Variants in SLC41A2 observed in about 807,000 individuals in gnomAD.
The protein encoded by SLC41A2 is SLC41A1-like 1.
SLC41A2 carries 32 observed loss-of-function variants against 58.3 expected under a neutral mutation model. That is an observed-to-expected ratio of 0.55 (90% confidence interval 0.41 to 0.74). SLC41A2 has a LOEUF of 0.74. Among genes scored for constraint, SLC41A2 ranks in the 30% least tolerant of loss-of-function variants. The pLI is 0.00. For synonymous variants in SLC41A2, 190 were observed against 235.0 expected, an observed-to-expected ratio of 0.81 and a Z score of 1.75; for missense variants, 514 against 680.6, an observed-to-expected ratio of 0.76 and a Z score of 2.72.
At chr12:104,848,877 G>A (rs1015924921) in intron 8 of SLC41A2, among the ~76,000 whole-genome samples, 38 of 150,562 alleles carry the variant, frequency 2.5e-4, no homozygotes, top group African/African-American at 8.8e-4. Context: ...AATCAAGTAG[G>A]ACTTCTTTAA....
intron 10 of SLC41A2, among the ~76,000 whole-genome samples, chr12:104,813,395 G>C (rs1054859239): frequency 6.6e-6 from 1 of 152,076 alleles, no homozygotes; most frequent in Non-Finnish European, 1.5e-5. Flanking sequence ...GAGGATGGAA[G>C]GTGGGGAAAT....
At chr12:104,939,134 A>T (rs2047400406) in intron 1 of SLC41A2, among the ~76,000 whole-genome samples, 1 of 152,234 alleles carries the variant, frequency 6.6e-6, no homozygotes, top group African/African-American at 2.4e-5. Context: ...CCACTGGTTT[A>T]TAGAGTCATG....
At chr12:104,849,607 C>T (rs1022707779) in intron 8 of SLC41A2, among the ~76,000 whole-genome samples, 6 of 152,078 alleles carry the variant, frequency 3.9e-5, no homozygotes, top group African/African-American at 9.7e-5. Flanking sequence ...GCAGGAGAAT[C>T]GCTTGAGCCT....
chr12:104,893,554 T>C (rs2045123166), intron 4 of SLC41A2, among the ~76,000 whole-genome samples: 1 of 152,230 alleles, frequency 6.6e-6, no homozygotes, highest in Non-Finnish European at 1.5e-5. Flanking sequence ...ATATCTGCAC[T>C]TCTATGTTTG....
chr12:104,831,238 T>TCC lies in SLC41A2; in HGVS notation c.1536+13233_1536+13234insGG, dbSNP rs552275780. ...TTCGATCATAAAATTAAAATCTCTT[T>TCC]CTCTCTCTCTCTCTCTGTAGAGACT... On this transcript the variant is annotated intron_variant, in intron 10 of 10. Transcript: ENST00000258538. 5.5e-4 allele frequency among the ~76,000 whole-genome samples: 83 copies of TCC among 149,870 alleles called. No individual in the cohort carries two copies. In the East Asian group the frequency reaches 0.015, roughly 27 times the overall value.
rs201457094 is a variant in SLC41A2 at position 104,928,214 on chromosome 12, C to A, written c.314G>T (p.Cys105Phe). 27 of 1,614,026 alleles carry A rather than the reference C, an allele frequency of 1.7e-5. No homozygotes were observed. The highest frequency in any genetic ancestry group is 2.3e-5 in the Non-Finnish European group (27 of 1,180,028). The change falls in exon 2 of 11, where the codon TGC (cysteine) becomes TTC (phenylalanine). Residue 105 changes from cysteine to phenylalanine, a missense_variant. By Grantham distance (205) the Cys-to-Phe change is radical. Around this residue, in one of 3 missense-constraint regions of SLC41A2, gnomAD observed 336 missense variants for 430.0 expected, o/e 0.78. Coordinates refer to ENST00000258538, the MANE Select transcript of SLC41A2 (RefSeq NM_001352171.3). ...HANNGHASSSCSQKYDDYANY... is the reference protein window; with the variant it reads ...HANNGHASSSFSQKYDDYANY... ...GGCATAGTCATCATACTTTTGGCTGCAGCTTGATGATGCGTGCCCATTATT... is the reference window on the plus strand; with the variant it reads ...GGCATAGTCATCATACTTTTGGCTGAAGCTTGATGATGCGTGCCCATTATT...
chr12:104,912,447 C>T (rs2135792291), intron 2 of SLC41A2, among the ~76,000 whole-genome samples: 1 of 152,254 alleles, frequency 6.6e-6, no homozygotes, highest in African/African-American at 2.4e-5. Flanking sequence ...ATCATGCCTA[C>T]ATAATGAAGC....
chr12:104,887,044 A>G (rs1380566076), intron 5 of SLC41A2, among the ~76,000 whole-genome samples: 1 of 152,036 alleles, frequency 6.6e-6, no homozygotes, highest in Non-Finnish European at 1.5e-5. Context: ...ACGAGAGAAT[A>G]GAAGATGAAA....
rs1377026003 is a variant in SLC41A2, at chr12:104,916,783, A to G, written c.556-7021T>C. 5.9e-5 allele frequency among the ~76,000 whole-genome samples: 9 copies of G among 152,248 alleles called. No homozygotes were observed. The South Asian group carries it at 8.3e-4, about 14-fold the overall frequency. On this transcript the variant is annotated intron_variant, in intron 2 of 10. Coordinates refer to ENST00000258538, the MANE Select transcript of SLC41A2 (RefSeq NM_001352171.3). ...ACTGGCTAGCCATATGTAGAAAGCTAAAACTGGATCCCTTCCTTACACCTT... is the reference window on the plus strand; with the variant it reads ...ACTGGCTAGCCATATGTAGAAAGCTGAAACTGGATCCCTTCCTTACACCTT...
intron 2 of SLC41A2, among the ~76,000 whole-genome samples, chr12:104,922,761 A>G (rs2046656042): frequency 6.6e-6 from 1 of 152,202 alleles, no homozygotes; most frequent in South Asian, 2.1e-4. Context: ...TTCTACCAGA[A>G]TAGATTATAT....
chr12:104,892,507 AT>A (rs2045059817), intron 4 of SLC41A2, among the ~76,000 whole-genome samples: 2 of 151,986 alleles, frequency 1.3e-5, no homozygotes, highest in South Asian at 4.1e-4. Flanking sequence ...GAAAAAAAAA[AT>A]CTTAACATTT....
chr12:104,906,719 A>T (rs969921813), intron 3 of SLC41A2, among the ~76,000 whole-genome samples: 1 of 152,202 alleles, frequency 6.6e-6, no homozygotes, highest in African/African-American at 2.4e-5. Flanking sequence ...AAATGCTTAA[A>T]AAGCATTTAA....
chr12:104,900,073 C>T (rs915526654), intron 3 of SLC41A2, among the ~76,000 whole-genome samples: 3 of 152,178 alleles, frequency 2.0e-5, no homozygotes, highest in Admixed American at 6.5e-5. Flanking sequence ...GCTCTGAACT[C>T]TGCTTTGAGC....
At chr12:104,846,629 T>C (rs1288727238) in intron 8 of SLC41A2, among the ~76,000 whole-genome samples, 1 of 152,196 alleles carries the variant, frequency 6.6e-6, no homozygotes, top group Admixed American at 6.5e-5. Context: ...AATCTCAAAC[T>C]CCATCCCATG....
chr12:104,813,743 C>T (rs1055709422), intron 10 of SLC41A2, among the ~76,000 whole-genome samples: 4 of 152,180 alleles, frequency 2.6e-5, no homozygotes, highest in African/African-American at 9.7e-5. Context: ...TCAAGTGATT[C>T]TCCTGCCTCA....
intron 3 of SLC41A2, among the ~76,000 whole-genome samples, chr12:104,902,804 CAAGAAGTCATTAACTTAG>C (rs1429278192): frequency 6.6e-6 from 1 of 152,064 alleles, no homozygotes; most frequent in Non-Finnish European, 1.5e-5. Context: ...ATTTTGCCAT[CAAGAAGTCATTAACTTAG>C]AGTTTCTTAA....
Position 104,862,072 on chromosome 12 carries a change from G to GTATAAAACAT in SLC41A2, c.1176-712_1176-703dup, listed in dbSNP as rs2043234837. On this transcript the variant is annotated intron_variant, in intron 7 of 10. Coordinates refer to ENST00000258538, the MANE Select transcript of SLC41A2 (RefSeq NM_001352171.3). ...TAACATCAGTTTCTGGGTCTGTGTA[G>GTATAAAACAT]TATAAAACATTGCCAGTCCTAATAT... Among the ~76,000 whole-genome samples, 5 of 152,274 alleles carry GTATAAAACAT rather than the reference G, an allele frequency of 3.3e-5. No homozygotes were observed. The South Asian group carries it at 1.0e-3, about 32-fold the overall frequency.
At chr12:104,944,880 A>G (rs2135958474) in intron 1 of SLC41A2, among the ~76,000 whole-genome samples, 1 of 152,128 alleles carries the variant, frequency 6.6e-6, no homozygotes, top group Non-Finnish European at 1.5e-5. Flanking sequence ...TAAAAAAAAA[A>G]AAAAAGGTCA....
intron 5 of SLC41A2, among the ~76,000 whole-genome samples, chr12:104,887,093 T>G (rs1379436347): frequency 1.3e-5 from 2 of 151,986 alleles, no homozygotes; most frequent in African/African-American, 4.8e-5. Flanking sequence ...CCTAATTTTC[T>G]TAAATTATAC....
Sources: gnomAD v4.1 joint callset for allele counts (sites outside exome capture counted in the v4.1 genomes callset) on GRCh38, gnomAD v4.1.1 for gene constraint, gnomAD v4.1.1 regional missense constraint, MANE v1.5 for transcripts, NCBI Gene and HGNC (gene_info 2026-07-23, HGNC 2026-07-21) for gene names.